The following BUB1B variants were observed in gnomAD, a reference collection of about 807,000 sequenced individuals.
BUB1B encodes BUB1 mitotic checkpoint serine/threonine kinase B.
Under a neutral mutation model 137.7 loss-of-function variants are expected in BUB1B, and 86 were observed. That is an observed-to-expected ratio of 0.62 (90% CI 0.52 to 0.75). The LOEUF is 0.75. Ranked by LOEUF, BUB1B falls within the 30% of genes least tolerant of loss-of-function variation. BUB1B has a pLI of 0.00. For synonymous variants in BUB1B, 420 were observed against 417.9 expected (o/e 1.00, Z -0.06); for missense variants, 1,130 against 1,236.9 (o/e 0.91, Z 1.30).
chr15:40,190,107 C>T (rs1017084396), intron 8 of BUB1B, among the ~76,000 whole-genome samples: 1 of 152,096 alleles, frequency 6.6e-6, no homozygotes, highest in Non-Finnish European at 1.5e-5. Flanking sequence ...CAGTGGATGC[C>T]CGAAACTTGA....
At chr15:40,193,750 T>TA (rs2037465014) in intron 8 of BUB1B, among the ~76,000 whole-genome samples, 1 of 152,018 alleles carries the variant, frequency 6.6e-6, no homozygotes, top group Non-Finnish European at 1.5e-5. Flanking sequence ...AAAAATTAGC[T>TA]GGGCGTGGTG....
intron 22 of BUB1B, among the ~76,000 whole-genome samples, chr15:40,219,460 A>G (rs1400582164): frequency 2.0e-5 from 3 of 151,936 alleles, no homozygotes; most frequent in Admixed American, 6.6e-5. Flanking sequence ...GGTGGCTCAC[A>G]CCTGTAATCA....
intron 2 of BUB1B, 41 bp from the exon 3 acceptor site, chr15:40,170,021 G>T (rs545833887): frequency 4.7e-6 from 7 of 1,489,400 alleles, no homozygotes; most frequent in Middle Eastern, 1.7e-4. Context: ...ATTGGCTGTT[G>T]TCACTATTGC....
In BUB1B at chr15:40,161,140, G is replaced by A; in HGVS notation, c.-81G>A. ...GGTCGCTTCTGTAGCTCCGAGGGCA[G>A]GTTGCGGAAGAAAGCCCAGGCGGTC... is the stretch of plus-strand genomic sequence containing the variant. On this transcript the variant is annotated 5_prime_UTR_variant, in exon 1 of 23. Transcript: ENST00000287598. 1 of 1,571,498 alleles carries A rather than the reference G, an allele frequency of 6.4e-7. No homozygotes were observed. The highest frequency in any genetic ancestry group is 8.7e-7 in the Non-Finnish European group (1 of 1,155,920).
At position 40,183,848 on chromosome 15, in the gene BUB1B, G is replaced by A. The variant is rs765577911; in HGVS notation, c.716G>A (p.Arg239Lys). Residue 239 changes from arginine (R) to lysine (K), a missense_variant, in exon 6 of 23, where the codon AGA becomes AAA. Arg to Lys is a conservative substitution (Grantham distance 26, BLOSUM62 2). Coordinates refer to ENST00000287598, the MANE Select transcript of BUB1B (RefSeq NM_001211.6). Reference protein sequence around the residue: ...ELKSKGKKTARAPIIRVGGAL... With the variant: ...ELKSKGKKTAKAPIIRVGGAL... ...AAGAGCAAAGGGAAAAAGACAGCAA[G>A]AGCTCCAATCATCCGTGTAGGAGGT... 6.2e-7 allele frequency: 1 copy of A among 1,614,124 alleles called. No individual in the cohort carries two copies. The highest frequency in any genetic ancestry group is 8.5e-7 in the Non-Finnish European group (1 of 1,179,976).
chr15:40,164,955 A>G (rs867659315), intron 1 of BUB1B, 98 bp from the exon 2 acceptor site: 41 of 1,470,002 alleles, frequency 2.8e-5, no homozygotes, highest in Non-Finnish European at 3.7e-5. Context: ...ATTCAACCCA[A>G]GACCATGAAT....
At chr15:40,219,877 TTTCTC>T (rs1462117516) in intron 22 of BUB1B, among the ~76,000 whole-genome samples, 1 of 152,204 alleles carries the variant, frequency 6.6e-6, no homozygotes, top group Non-Finnish European at 1.5e-5. Flanking sequence ...GAATTGTACT[TTTCTC>T]TTCATTTAAT....
intron 5 of BUB1B, among the ~76,000 whole-genome samples, chr15:40,177,880 G>C (rs1393162274): frequency 6.6e-6 from 1 of 151,608 alleles, no homozygotes; most frequent in Admixed American, 6.6e-5. Context: ...TGGGCATAGA[G>C]TTGTTCATAA....
intron 5 of BUB1B, among the ~76,000 whole-genome samples, chr15:40,182,809 A>AGTTT: frequency 6.6e-6 from 1 of 152,284 alleles, no homozygotes; most frequent in East Asian, 1.9e-4. Context: ...TTACATTCAC[A>AGTTT]TACCACCACT....
chr15:40,190,941 G>A (rs1215090129), intron 8 of BUB1B, among the ~76,000 whole-genome samples: 1 of 150,064 alleles, frequency 6.7e-6, no homozygotes, highest in Non-Finnish European at 1.5e-5. Flanking sequence ...ATTCTGGAGT[G>A]CAGTAGTGCC....
At chr15:40,178,136 G>T (rs2037243649) in intron 5 of BUB1B, among the ~76,000 whole-genome samples, 1 of 145,802 alleles carries the variant, frequency 6.9e-6, no homozygotes, top group Admixed American at 6.9e-5. Context: ...TCTTCTTTTT[G>T]TAGTTTAAGG....
rs1220877691 is a variant in BUB1B, at chr15:40,185,556, T to C, written c.972T>C (p.Arg324=). Residue 324 remains arginine (R), a synonymous_variant, in exon 8 of 23, where the codon CGT becomes CGC. Transcript: ENST00000287598. ...NTGRSLEHRP[R]GNTASLIAVP... ...GTTTTCTTCTTCATCTCCAGCCTCG[T>C]GGCAATACAGCTTCACTGATAGCTG... 1 of 1,614,232 alleles carries C rather than the reference T, an allele frequency of 6.2e-7. No homozygotes were observed. Among genetic ancestry groups the C allele is most frequent in the South Asian group, 1.1e-5 (1 of 91,080 alleles).
At chr15:40,177,817 G>A (rs1235927144) in intron 5 of BUB1B, among the ~76,000 whole-genome samples, 1 of 150,706 alleles carries the variant, frequency 6.6e-6, no homozygotes, top group Non-Finnish European at 1.5e-5. Context: ...GTAAACTTTG[G>A]TAGATTTTTG....
intron 15 of BUB1B, 124 bp from the exon 16 acceptor site, chr15:40,208,513 G>T: frequency 1.1e-6 from 1 of 935,272 alleles, no homozygotes. Context: ...GCTCCAGCCT[G>T]GGTGACAAGA....
intron 15 of BUB1B, among the ~76,000 whole-genome samples, chr15:40,207,943 A>AT (rs914435560): frequency 6.7e-6 from 1 of 149,384 alleles, no homozygotes; most frequent in African/African-American, 2.4e-5. Flanking sequence ...GGCTCAAGTG[A>AT]TTCTCCCACC....
Position 40,209,752 on chromosome 15 carries a change from A to C in BUB1B, c.2261A>C (p.Glu754Ala). 6.2e-7 allele frequency: 1 copy of C among 1,614,150 alleles called. No individual in the cohort carries two copies. The highest frequency in any genetic ancestry group is 1.1e-5 in the South Asian group (1 of 91,078). Residue 754 changes from glutamate to alanine, a missense_variant, in exon 17 of 23, where the codon GAA becomes GCA. Glu to Ala is a moderately radical substitution (Grantham distance 107, BLOSUM62 -1). Transcript: ENST00000287598. ...CIEDRPMPKL[E>A]IEKEIELGNE... ...GAAGACAGACCAATGCCTAAGTTGG[A>C]AATTGAGAAGGAAATTGAATTAGGT...
Position 40,170,756 on chromosome 15 carries a change from CA to C in BUB1B, c.384+84del, listed in dbSNP as rs901141075. On this transcript the variant is annotated intron_variant, in intron 4 of 22. Coordinates refer to ENST00000287598, the MANE Select transcript of BUB1B (RefSeq NM_001211.6). ...TTTTCTCTAGAGGTATCTGGTATAC[CA>C]AAAAAAAAGTAAAACAGCCATTTTG... 1,646 of 1,447,052 alleles carry C rather than the reference CA, an allele frequency of 1.1e-3. 1 individual carries two copies. Among genetic ancestry groups the C allele is most frequent in the Admixed American group, 1.7e-3 (87 of 51,882 alleles). The allele number at this position is 1,447,052 out of a possible 1,614,324, so 89.6% of individuals were successfully genotyped here. A position where few individuals can be genotyped will look rare whatever the true frequency, so the allele number is the denominator to read the frequency against.
intron 15 of BUB1B, among the ~76,000 whole-genome samples, chr15:40,208,358 T>G (rs182622773): frequency 2.4e-4 from 36 of 152,022 alleles, no homozygotes; most frequent in Non-Finnish European, 1.0e-4. Flanking sequence ...GCTAACATGG[T>G]GAAACCCTGT....
chr15:40,183,963 C>G, intron 6 of BUB1B, 80 bp downstream of exon 6: 1 of 1,436,608 alleles, frequency 7.0e-7, no homozygotes, highest in Non-Finnish European at 9.7e-7. Flanking sequence ...CATAAATATA[C>G]CTGTGGACAC....
Sources: allele counts gnomAD v4.1 joint callset (sites outside exome capture counted in the v4.1 genomes callset), GRCh38; gene constraint gnomAD v4.1.1; transcripts MANE v1.5; gene names NCBI Gene and HGNC (gene_info 2026-07-23, HGNC 2026-07-21).